The following CHSY3 variants were observed in gnomAD, a reference collection of about 807,000 sequenced individuals.
The protein encoded by CHSY3 is chondroitin sulfate synthase 3, also known as N-acetylgalactosaminyl-proteoglycan 3-beta-glucuronosyltransferase 3.
In CHSY3, 35 loss-of-function variants were observed where a neutral mutation model predicts 67.2. That is an observed-to-expected ratio of 0.52 (90% confidence interval 0.40 to 0.69). CHSY3 has a LOEUF of 0.69. Ranked by LOEUF, CHSY3 falls within the 30% of genes least tolerant of loss-of-function variation. The probability of loss-of-function intolerance (pLI) is 0.00; values close to 1 mark genes in which losing one functional copy is unlikely to be tolerated. For synonymous variants in CHSY3, 474 were observed against 434.7 expected, an observed-to-expected ratio of 1.09 and a Z score of -1.12; for missense variants, 1,069 against 1,138.5, an observed-to-expected ratio of 0.94 and a Z score of 0.88.
At position 130,184,986 on chromosome 5, in the gene CHSY3, G is replaced by A. The variant is rs10068403; in HGVS notation, c.1844G>A (p.Gly615Glu). The stretch of plus-strand genomic sequence containing the variant: ...TTTCAAGGTGCCAAAGAAATGGGAG[G>A]GCACAATGAAAAGAAAGTACACATT... The part of the protein sequence containing the change: ...SSFQGAKEMG[G>E]HNEKKVHILV... Residue 615 changes from glycine (G) to glutamate (E), a missense_variant, in exon 3 of 3, where the codon GGG becomes GAG. Physicochemically the swap from Gly to Glu is moderately conservative, Grantham distance 98. Coordinates refer to ENST00000305031, the MANE Select transcript of CHSY3 (RefSeq NM_175856.5). 51,556 of 1,557,726 alleles carry A rather than the reference G, an allele frequency of 0.033. 4,801 individuals carry two copies. The highest frequency in any genetic ancestry group is 0.24 in the African/African-American group (17,502 of 73,332).
chr5:129,925,115 T>C (rs1362531526), intron 2 of CHSY3, among the ~76,000 whole-genome samples: 4 of 152,198 alleles, frequency 2.6e-5, no homozygotes, highest in Non-Finnish European at 5.9e-5. Flanking sequence ...AAAGATTAAA[T>C]GCGGAGGCCA....
At position 129,905,660 on chromosome 5, in the gene CHSY3, T is replaced by C. The variant is rs754841501; in HGVS notation, c.802+29T>C. The C allele has an allele frequency of 1.9e-6, 3 of 1,606,058 alleles. No individual in the cohort carries two copies. In the South Asian group the frequency reaches 3.3e-5, roughly 18 times the overall value. On this transcript the variant is annotated intron_variant, in intron 1 of 2. Transcript: ENST00000305031. ...ACCTCCCTGCGCCGGCTTTCCAGCC[T>C]GCCAGTCTCCCCGACTCCTTTCTCT... is the stretch of plus-strand genomic sequence containing the variant.
chr5:129,938,937 A>G (rs1322165114), intron 2 of CHSY3, among the ~76,000 whole-genome samples: 2 of 152,182 alleles, frequency 1.3e-5, no homozygotes, highest in African/African-American at 4.8e-5. Context: ...GCAATGCTCC[A>G]ATACTCTGGT....
intron 2 of CHSY3, among the ~76,000 whole-genome samples, chr5:130,063,665 T>C (rs11949726): frequency 0.023 from 3,445 of 152,272 alleles, 130 homozygotes; most frequent in African/African-American, 0.076. Context: ...CTGGATAATT[T>C]ATAAACAATA....
At chr5:130,128,642 G>A (rs1218229885) in intron 2 of CHSY3, among the ~76,000 whole-genome samples, 1 of 152,046 alleles carries the variant, frequency 6.6e-6, no homozygotes, top group South Asian at 2.1e-4. Context: ...ATTGCTAAGA[G>A]TACATCTTAT....
intron 2 of CHSY3, among the ~76,000 whole-genome samples, chr5:130,137,466 A>G (rs113385853): frequency 0.025 from 3,778 of 152,204 alleles, 149 homozygotes; most frequent in African/African-American, 0.084. Context: ...CTGAAGCACT[A>G]TATTATATAT....
chr5:130,066,052 A>G (rs1430887522), intron 2 of CHSY3, among the ~76,000 whole-genome samples: 1 of 152,076 alleles, frequency 6.6e-6, no homozygotes, highest in Non-Finnish European at 1.5e-5. Context: ...CTGAGACTAC[A>G]TCAACACAAA....
chr5:130,113,003 C>T (rs894480411), intron 2 of CHSY3, among the ~76,000 whole-genome samples: 10 of 151,956 alleles, frequency 6.6e-5, no homozygotes, highest in African/African-American at 2.4e-4. Context: ...TTAGAAGTCA[C>T]ATTTTAAGAT....
chr5:130,083,077 A>T (rs1454543803), intron 2 of CHSY3, among the ~76,000 whole-genome samples: 1 of 151,994 alleles, frequency 6.6e-6, no homozygotes, highest in African/African-American at 2.4e-5. Flanking sequence ...AACAGAAATG[A>T]GGCGCTTCAA....
At chr5:130,086,905 A>T (rs931953608) in intron 2 of CHSY3, among the ~76,000 whole-genome samples, 4 of 152,100 alleles carry the variant, frequency 2.6e-5, no homozygotes, top group Non-Finnish European at 4.4e-5. Flanking sequence ...CCTGGCAGAG[A>T]CACAACAAAA....
chr5:130,150,898 C>G (rs1031076035), intron 2 of CHSY3, among the ~76,000 whole-genome samples: 3 of 152,026 alleles, frequency 2.0e-5, no homozygotes, highest in African/African-American at 7.2e-5. Flanking sequence ...TTTATGTGCC[C>G]TAGAGAAATA....
At chr5:129,999,206 T>TCAGCG (rs1317061427) in intron 2 of CHSY3, among the ~76,000 whole-genome samples, 1 of 151,414 alleles carries the variant, frequency 6.6e-6, no homozygotes, top group Non-Finnish European at 1.5e-5. Flanking sequence ...TTCTATACGT[T>TCAGCG]GAGATGGTAT....
At chr5:130,156,298 G>A (rs1769373881) in intron 2 of CHSY3, among the ~76,000 whole-genome samples, 1 of 152,142 alleles carries the variant, frequency 6.6e-6, no homozygotes, top group Non-Finnish European at 1.5e-5. Flanking sequence ...GTGTCAGGCT[G>A]TTTATTTGGT....
intron 2 of CHSY3, among the ~76,000 whole-genome samples, chr5:129,977,862 A>T (rs1452317303): frequency 8.9e-6 from 1 of 112,036 alleles, no homozygotes; most frequent in Non-Finnish European, 2.1e-5. Context: ...TTATAAATAT[A>T]AGAAGTAAAA....
rs915788574 is a variant in CHSY3, at chr5:130,085,261, T to C, written c.1087-98968T>C. ...AACTAAAATTTGTAAAACTTTTTAA[T>C]TGGAAAATGTAATACACATATTTGA... On this transcript the variant is annotated intron_variant, in intron 2 of 2. Transcript: ENST00000305031. Among the ~76,000 whole-genome samples the C allele has an allele frequency of 6.3e-4, 96 of 152,004 alleles. 2 individuals are homozygous for C.
chr5:130,084,696 T>C (rs964185938), intron 2 of CHSY3, among the ~76,000 whole-genome samples: 2 of 151,946 alleles, frequency 1.3e-5, no homozygotes, highest in African/African-American at 4.8e-5. Context: ...GTAAACACAA[T>C]CTATTAATGT....
intron 2 of CHSY3, among the ~76,000 whole-genome samples, chr5:130,109,986 A>T (rs1767540471): frequency 6.6e-6 from 1 of 151,874 alleles, no homozygotes; most frequent in Non-Finnish European, 1.5e-5. Flanking sequence ...ACTAGGAAAA[A>T]CTATGGCTTA....
intron 2 of CHSY3, among the ~76,000 whole-genome samples, chr5:129,926,121 C>T (rs542500560): frequency 6.6e-6 from 1 of 151,896 alleles, no homozygotes; most frequent in South Asian, 2.1e-4. Flanking sequence ...ATTAGGATTA[C>T]AAAACAAATT....
At chr5:129,926,878 G>A (rs995285030) in intron 2 of CHSY3, among the ~76,000 whole-genome samples, 8 of 151,840 alleles carry the variant, frequency 5.3e-5, no homozygotes, top group African/African-American at 1.9e-4. Flanking sequence ...TCTGCATGTC[G>A]ATTGTCTAAC....
Sources: allele counts gnomAD v4.1 joint callset (sites outside exome capture counted in the v4.1 genomes callset), GRCh38; gene constraint gnomAD v4.1.1; transcripts MANE v1.5; gene names NCBI Gene and HGNC (gene_info 2026-07-23, HGNC 2026-07-21).